ZNF469: variants seen among roughly 807,000 people sequenced by gnomAD.
The protein encoded by ZNF469 is zinc finger protein 469.
A neutral mutation model predicts 1.0 loss-of-function variants in ZNF469; 1 was observed. That is an observed-to-expected ratio of 1.00 (90% CI 0.35 to 4.73). The LOEUF is 4.73. Among genes scored for constraint, ZNF469 ranks in the 30% most tolerant of loss-of-function variants. The pLI is 0.16. For synonymous variants in ZNF469, 2,703 were observed against 2,363.4 expected (o/e 1.14, Z -4.17); for missense variants, 6,100 against 5,356.3 (o/e 1.14, Z -4.33).
the ZNF469 span, among the ~76,000 whole-genome samples, chr16:88,278,342 T>A: frequency 3.3e-5 from 1 of 30,346 alleles, no homozygotes; most frequent in African/African-American, 1.6e-4. Flanking sequence ...TGTGCCACGC[T>A]GACACTTGGT....
chr16:88,236,028 G>C, the ZNF469 span, among the ~76,000 whole-genome samples: 1 of 152,218 alleles, frequency 6.6e-6, no homozygotes, highest in Non-Finnish European at 1.5e-5. Context: ...TGATCACCTG[G>C]ACTCAACAGA....
At chr16:88,333,319 A>C in the ZNF469 span, among the ~76,000 whole-genome samples, 1 of 144,180 alleles carries the variant, frequency 6.9e-6, no homozygotes, top group Non-Finnish European at 1.5e-5. Context: ...GAAGGCTCGG[A>C]CTTGCTGAGT....
chr16:88,268,954 A>G, the ZNF469 span, among the ~76,000 whole-genome samples: 25 of 152,212 alleles, frequency 1.6e-4, no homozygotes, highest in Non-Finnish European at 3.1e-4. Context: ...CAGTGACATC[A>G]CATTTAGGCC....
At chr16:88,180,125 T>TA in the ZNF469 span, among the ~76,000 whole-genome samples, 6 of 151,916 alleles carry the variant, frequency 3.9e-5, no homozygotes, top group African/African-American at 1.5e-4. Context: ...GCTTTCACTT[T>TA]AAAAAAAAGT....
At chr16:88,240,813 A>G in the ZNF469 span, among the ~76,000 whole-genome samples, 1 of 152,196 alleles carries the variant, frequency 6.6e-6, no homozygotes, top group Admixed American at 6.5e-5. Flanking sequence ...CTTGTGATGG[A>G]AAAGTCCTTC....
At chr16:88,291,252 G>T in the ZNF469 span, among the ~76,000 whole-genome samples, 1 of 152,208 alleles carries the variant, frequency 6.6e-6, no homozygotes, top group Non-Finnish European at 1.5e-5. Flanking sequence ...AGACTTTTCT[G>T]TAGGAGCTTG....
the ZNF469 span, among the ~76,000 whole-genome samples, chr16:88,240,706 A>G: frequency 6.6e-6 from 1 of 152,156 alleles, no homozygotes; most frequent in African/African-American, 2.4e-5. Flanking sequence ...GGTGGAAGGC[A>G]ACTTAGGGAT....
At chr16:88,141,117 A>G in the ZNF469 span, among the ~76,000 whole-genome samples, 2 of 152,224 alleles carry the variant, frequency 1.3e-5, no homozygotes, top group Admixed American at 6.5e-5. Flanking sequence ...GACACAATAA[A>G]TTCTGTGCAG....
chr16:88,251,562 T>TTTTTG, the ZNF469 span, among the ~76,000 whole-genome samples: 1 of 108,232 alleles, frequency 9.2e-6, no homozygotes, highest in Non-Finnish European at 1.9e-5. Flanking sequence ...TTTTTTTTTT[T>TTTTTG]TTTTTTTTTT....
chr16:88,173,240 G>A, the ZNF469 span, among the ~76,000 whole-genome samples: 2 of 152,104 alleles, frequency 1.3e-5, no homozygotes, highest in South Asian at 2.1e-4. Flanking sequence ...AACATATTAT[G>A]TATAGAGGAA....
chr16:88,231,047 C>T, the ZNF469 span, among the ~76,000 whole-genome samples: 2 of 152,166 alleles, frequency 1.3e-5, 1 homozygote, highest in African/African-American at 4.8e-5. This position sits in a 1 kb window ranked among gnomAD's most constrained non-coding sequence, Gnocchi z 4.5. Context: ...CTCAGACCAG[C>T]CGCACGTGCC....
the ZNF469 span, among the ~76,000 whole-genome samples, chr16:88,326,331 G>C: frequency 6.6e-6 from 1 of 152,280 alleles, no homozygotes; most frequent in Non-Finnish European, 1.5e-5. Context: ...GAAGTGACCT[G>C]CTCCTCCTTA....
In ZNF469 at chr16:88,436,886, C is replaced by A; in HGVS notation, c.9416C>A (p.Pro3139His). The A allele has an allele frequency of 6.6e-7, 1 of 1,505,824 alleles. No homozygotes were observed. The highest frequency in any genetic ancestry group is 1.3e-5 in the South Asian group (1 of 79,808). 93.3% of individuals were successfully genotyped at this position (1,505,824 alleles called of 1,614,324 possible). ...ELDLHKLAHT[P>H]APPPTCYMCV... ...GACCTGCACAAGCTGGCCCACACGC[C>A]CGCGCCGCCGCCCACCTGCTACATG... is the stretch of plus-strand genomic sequence containing the variant. The change falls in exon 3 of 3, where the codon CCC (proline) becomes CAC (histidine). Residue 3139 changes from proline (P) to histidine (H), a missense_variant. Coordinates refer to ENST00000565624, the MANE Select transcript of ZNF469 (RefSeq NM_001367624.2).
the ZNF469 span, among the ~76,000 whole-genome samples, chr16:88,349,741 A>ACG: frequency 6.8e-6 from 1 of 146,716 alleles, no homozygotes; most frequent in African/African-American, 2.5e-5. Flanking sequence ...CACACCACAC[A>ACG]CAAGTGCACA....
chr16:88,295,936 CT>C, the ZNF469 span, among the ~76,000 whole-genome samples: 3 of 152,220 alleles, frequency 2.0e-5, no homozygotes, highest in African/African-American at 7.2e-5. Context: ...ACCTCTGCCC[CT>C]GTGAGATGTT....
the ZNF469 span, among the ~76,000 whole-genome samples, chr16:88,275,144 G>T: frequency 6.6e-6 from 1 of 152,190 alleles, no homozygotes; most frequent in Admixed American, 6.5e-5. Flanking sequence ...TAATTAGACA[G>T]TGGAGACGGG....
At chr16:88,280,866 G>A in the ZNF469 span, among the ~76,000 whole-genome samples, 36 of 151,956 alleles carry the variant, frequency 2.4e-4, no homozygotes, top group African/African-American at 4.8e-4. Flanking sequence ...ACAGGTTAGC[G>A]CTGTGCCACA....
chr16:88,138,850 G>A, the ZNF469 span, among the ~76,000 whole-genome samples: 1 of 152,226 alleles, frequency 6.6e-6, no homozygotes, highest in Admixed American at 6.5e-5. Context: ...TGTTGTATCT[G>A]AGGTCATCGC....
the ZNF469 span, among the ~76,000 whole-genome samples, chr16:88,122,290 C>A: frequency 3.3e-5 from 5 of 151,678 alleles, no homozygotes; most frequent in African/African-American, 1.2e-4. Flanking sequence ...TTGCTACGGC[C>A]ACGATGGCCC....
Sources: gnomAD v4.1 joint callset for allele counts (sites outside exome capture counted in the v4.1 genomes callset) on GRCh38, gnomAD v4.1.1 for gene constraint, Gnocchi (gnomAD v3.1) non-coding constraint, MANE v1.5 for transcripts, NCBI Gene and HGNC (gene_info 2026-07-23, HGNC 2026-07-21) for gene names.